The following MDGA2 variants were observed in gnomAD, a reference collection of about 807,000 sequenced individuals.
MDGA2 encodes the protein MAM domain containing glycosylphosphatidylinositol anchor 2.
A neutral mutation model predicts 117.8 loss-of-function variants in MDGA2; 40 were observed. The ratio of observed to expected loss-of-function variants is 0.34; its 90% confidence interval spans 0.26 to 0.44. MDGA2 has a LOEUF of 0.44. Ranked by LOEUF, MDGA2 falls within the 20% of genes least tolerant of loss-of-function variation. MDGA2 has a pLI of 1.00. For synonymous variants in MDGA2, 452 were observed against 439.0 expected (o/e 1.03, Z -0.37); for missense variants, 1,123 against 1,250.6 (o/e 0.90, Z 1.54).
At chr14:47,324,458 A>C (rs890049764) in intron 1 of MDGA2, among the ~76,000 whole-genome samples, 2 of 152,320 alleles carry the variant, frequency 1.3e-5, no homozygotes, top group Non-Finnish European at 2.9e-5. Flanking sequence ...AGAGAAACTC[A>C]GAACTTTTTT....
At chr14:47,085,120 C>T (rs1890850198) in intron 6 of MDGA2, among the ~76,000 whole-genome samples, 1 of 151,806 alleles carries the variant, frequency 6.6e-6, no homozygotes, top group Non-Finnish European at 1.5e-5. Context: ...TAATAATAAA[C>T]ATTACATATC....
chr14:46,938,372 C>G (rs12435649), intron 9 of MDGA2, among the ~76,000 whole-genome samples: 1 of 151,068 alleles, frequency 6.6e-6, no homozygotes, highest in Non-Finnish European at 1.5e-5. Flanking sequence ...AACCCCTTCT[C>G]TACTAAAAAT....
intron 1 of MDGA2, among the ~76,000 whole-genome samples, chr14:47,521,622 T>C (rs1390191866): frequency 6.6e-6 from 1 of 152,174 alleles, no homozygotes; most frequent in Non-Finnish European, 1.5e-5. Context: ...CTCTTCAAAA[T>C]ATCTTTATGT....
intron 1 of MDGA2, among the ~76,000 whole-genome samples, chr14:47,609,425 C>T (rs1226439868): frequency 2.1e-3 from 20 of 9,446 alleles, no homozygotes; most frequent in Non-Finnish European, 5.0e-3. Flanking sequence ...AGTAGTATTC[C>T]ATCATATATA....
chr14:47,485,019 G>A (rs1894030144), intron 1 of MDGA2, among the ~76,000 whole-genome samples: 1 of 152,092 alleles, frequency 6.6e-6, no homozygotes, highest in Non-Finnish European at 1.5e-5. Flanking sequence ...CAGTAGAGTG[G>A]GGCGCTGCTG....
At chr14:47,213,976 G>C (rs1594727808) in intron 3 of MDGA2, among the ~76,000 whole-genome samples, 1 of 152,080 alleles carries the variant, frequency 6.6e-6, no homozygotes, top group Admixed American at 6.6e-5. Context: ...TTGGCGAGTA[G>C]TAGCCAGCTT....
intron 6 of MDGA2, among the ~76,000 whole-genome samples, chr14:47,087,984 A>G (rs1214950205): frequency 6.6e-6 from 1 of 152,066 alleles, no homozygotes; most frequent in Non-Finnish European, 1.5e-5. Context: ...ATATGACGAG[A>G]GACTCCATTT....
intron 1 of MDGA2, among the ~76,000 whole-genome samples, chr14:47,315,316 A>C (rs1382475369): frequency 6.6e-6 from 1 of 151,982 alleles, no homozygotes; most frequent in African/African-American, 2.4e-5. Flanking sequence ...ACTTGTCTTA[A>C]ATTTTGTTTC....
At chr14:47,139,804 G>GTGTGTA (rs1555357216) in intron 4 of MDGA2, among the ~76,000 whole-genome samples, 6 of 143,174 alleles carry the variant, frequency 4.2e-5, no homozygotes, top group African/African-American at 1.5e-4. Flanking sequence ...GTATATATAT[G>GTGTGTA]TATATATATA....
intron 1 of MDGA2, among the ~76,000 whole-genome samples, chr14:47,405,363 T>C (rs1373724425): frequency 6.6e-6 from 1 of 152,200 alleles, no homozygotes; most frequent in Non-Finnish European, 1.5e-5. Context: ...CATTCTGTCA[T>C]ATATATAAAT....
intron 1 of MDGA2, among the ~76,000 whole-genome samples, chr14:47,425,247 G>A (rs555401680): frequency 6.6e-6 from 1 of 152,152 alleles, no homozygotes; most frequent in African/African-American, 2.4e-5. Flanking sequence ...ACAAACTTCA[G>A]ATTTGGAGAT....
intron 2 of MDGA2, among the ~76,000 whole-genome samples, chr14:47,249,087 G>C (rs755392136): frequency 6.6e-6 from 1 of 150,404 alleles, no homozygotes; most frequent in South Asian, 2.1e-4. Flanking sequence ...GTGCGATCTC[G>C]GCTCACTGCA....
At chr14:47,513,661 G>T (rs529743804) in intron 1 of MDGA2, among the ~76,000 whole-genome samples, 1 of 152,184 alleles carries the variant, frequency 6.6e-6, no homozygotes, top group South Asian at 2.1e-4. Flanking sequence ...GATACATATT[G>T]TTCCTAAGGC....
intron 6 of MDGA2, among the ~76,000 whole-genome samples, chr14:47,090,298 T>C (rs184657128): frequency 9.2e-5 from 14 of 152,260 alleles, no homozygotes; most frequent in Admixed American, 9.2e-4. Context: ...TGAATACATA[T>C]TGACTTCTTC....
chr14:47,335,745 T>TATACATAC lies in MDGA2; in HGVS notation c.281-34203_281-34196dup, dbSNP rs1555374515. Among the ~76,000 whole-genome samples the TATACATAC allele has an allele frequency of 6.9e-3, 659 of 95,272 alleles. 59 individuals carry two copies. Among genetic ancestry groups the TATACATAC allele is most frequent in the African/African-American group, 0.027 (631 of 23,226 alleles). 62.5% of individuals were successfully genotyped at this position (95,272 alleles called of 152,430 possible). On this transcript the variant is annotated intron_variant, in intron 1 of 16. Transcript: ENST00000399232. ...TGCACACATATATTTTATATATATATATACATACATACATACAGGATCACT... is the reference window on the plus strand; with the variant it reads ...TGCACACATATATTTTATATATATATATACATACATACATACATACATACAGGATCACT...
In MDGA2 at chr14:47,059,089, C is replaced by A. The variant is rs148914105; in HGVS notation, c.1525+2160G>T. ...ATTACAATAAGGGCAGTAAGAGGCA[C>A]AGCAAATGTCTATATTATAGAGACA... is the stretch of plus-strand genomic sequence containing the variant. On this transcript the variant is annotated intron_variant, in intron 7 of 16. Transcript: ENST00000399232. 3 of 1,019,602 alleles carry A rather than the reference C, an allele frequency of 2.9e-6. No individual in the cohort carries two copies. The African/African-American group carries it at 5.2e-5, about 18-fold the overall frequency. The allele number at this position is 1,019,602 out of a possible 1,614,324, so 63.2% of individuals were successfully genotyped here.
At chr14:46,929,202 T>G (rs569338884) in intron 9 of MDGA2, among the ~76,000 whole-genome samples, 3 of 152,268 alleles carry the variant, frequency 2.0e-5, no homozygotes, top group African/African-American at 7.2e-5. Flanking sequence ...ATTGTTATTT[T>G]AAACAAATAT....
chr14:47,563,087 G>A (rs2138804154), intron 1 of MDGA2, among the ~76,000 whole-genome samples: 1 of 151,938 alleles, frequency 6.6e-6, no homozygotes, highest in East Asian at 1.9e-4. Context: ...TTGCATTGTG[G>A]TCTGAAAGCA....
chr14:47,272,908 T>C (rs1468695450), intron 2 of MDGA2, among the ~76,000 whole-genome samples: 1 of 152,150 alleles, frequency 6.6e-6, no homozygotes, highest in Non-Finnish European at 1.5e-5. Context: ...GGTAATTGGT[T>C]ACTATAAAAA....
Sources: allele counts gnomAD v4.1 joint callset (sites outside exome capture counted in the v4.1 genomes callset), GRCh38; gene constraint gnomAD v4.1.1; transcripts MANE v1.5; gene names NCBI Gene and HGNC (gene_info 2026-07-23, HGNC 2026-07-21).